ZDHHC5: variants seen among roughly 807,000 people sequenced by gnomAD.
ZDHHC5 encodes zDHHC palmitoyltransferase 5, also known as palmitoyltransferase ZDHHC5.
A neutral mutation model predicts 70.0 loss-of-function variants in ZDHHC5; 22 were observed. The observed-to-expected ratio is 0.31, with a 90% CI of 0.22 to 0.45. The LOEUF (loss-of-function observed/expected upper bound fraction) is 0.45. ZDHHC5 is among the 20% of genes least tolerant of loss of function. The pLI is 1.00. For synonymous variants in ZDHHC5, 313 were observed against 347.8 expected (o/e 0.90, Z 1.11); for missense variants, 746 against 926.9 (o/e 0.80, Z 2.53).
chr11:57,689,176 G>T (rs541432234), intron 4 of ZDHHC5, among the ~76,000 whole-genome samples: 2 of 152,224 alleles, frequency 1.3e-5, no homozygotes, highest in Admixed American at 1.3e-4. Flanking sequence ...TTGTTTTCCT[G>T]CCTGTCCTTC....
intron 7 of ZDHHC5, among the ~76,000 whole-genome samples, chr11:57,693,238 C>G (rs749803556): frequency 1.1e-4 from 16 of 152,114 alleles, no homozygotes; most frequent in Admixed American, 2.6e-4. Flanking sequence ...ACCCAGGAGG[C>G]AGAGGTTGCA....
At chr11:57,690,525 A>G (rs2135397067) in intron 6 of ZDHHC5, 88 bp downstream of exon 6, 1 of 1,328,074 alleles carries the variant, frequency 7.5e-7, no homozygotes, top group Non-Finnish European at 1.1e-6. Context: ...GCTTCCACAA[A>G]GAGATGCTTA....
In ZDHHC5 at chr11:57,668,200, G is replaced by T. The variant is rs1473869723; in HGVS notation, c.-1071+13G>T. The T allele has an allele frequency of 1.4e-5, 5 of 362,912 alleles. No individual in the cohort carries two copies. The highest frequency in any genetic ancestry group is 2.5e-5 in the Non-Finnish European group (5 of 203,398). The allele number at this position is 362,912 out of a possible 1,614,324, so 22.5% of individuals were successfully genotyped here. A position where few individuals can be genotyped will look rare whatever the true frequency, so the allele number is the denominator to read the frequency against. On this transcript the variant is annotated intron_variant, in intron 1 of 11. Transcript: ENST00000287169. ...ACCGGGCTCGCGGGTGAGTGCGGAG[G>T]ACACCGGTCCCTGCGGAACCGGAAG...
At chr11:57,681,257 C>T (rs1048423990) in intron 2 of ZDHHC5, among the ~76,000 whole-genome samples, 3 of 152,154 alleles carry the variant, frequency 2.0e-5, no homozygotes, top group Non-Finnish European at 4.4e-5. Context: ...TTCACAGAAT[C>T]CCAGACTGCT....
Position 57,700,285 on chromosome 11 carries a change from G to C in ZDHHC5, c.*254G>C. 2.8e-6 allele frequency: 1 copy of C among 358,384 alleles called. No homozygotes were observed. Among genetic ancestry groups the C allele is most frequent in the Non-Finnish European group, 5.0e-6 (1 of 200,198 alleles). 22.2% of individuals were successfully genotyped at this position (358,384 alleles called of 1,614,324 possible). The stretch of plus-strand genomic sequence containing the variant: ...TTCCTTGATCCCTGGACCAGACTCA[G>C]TGGACATTTGTGCAATTGCTCGCCC... On this transcript the variant is annotated 3_prime_UTR_variant, in exon 12 of 12. Coordinates refer to ENST00000287169, the MANE Select transcript of ZDHHC5 (RefSeq NM_015457.3).
At chr11:57,699,822 T>C in intron 11 of ZDHHC5, 44 bp from the exon 12 acceptor site, 1 of 1,612,386 alleles carries the variant, frequency 6.2e-7, no homozygotes, top group Non-Finnish European at 8.5e-7. Flanking sequence ...TCCAATGTTT[T>C]CTGTCCCATT....
intron 3 of ZDHHC5, among the ~76,000 whole-genome samples, chr11:57,682,821 G>A (rs1946165248): frequency 6.6e-6 from 1 of 152,144 alleles, no homozygotes; most frequent in Non-Finnish European, 1.5e-5. Context: ...GAGTTTTAGT[G>A]ATTTGTTCAG....
rs1945948056 is a variant in ZDHHC5 at position 57,668,153 on chromosome 11, A to AACG, written c.-1101_-1099dup. The AACG allele has an allele frequency of 2.7e-6, 1 of 368,648 alleles. No homozygotes were observed. Among genetic ancestry groups the AACG allele is most frequent in the Non-Finnish European group, 4.8e-6 (1 of 207,092 alleles). 22.8% of individuals were successfully genotyped at this position (368,648 alleles called of 1,614,324 possible). A position where few individuals can be genotyped will look rare whatever the true frequency, so the allele number is the denominator to read the frequency against. On this transcript the variant is annotated 5_prime_UTR_variant, in exon 1 of 12. Coordinates refer to ENST00000287169, the MANE Select transcript of ZDHHC5 (RefSeq NM_015457.3). ...GGCACTGCCGGGAGGCGGCGGTGAC[A>AACG]ACGACGGCGGTGGTGACGGGCACCG...
At position 57,701,045 on chromosome 11, in the gene ZDHHC5, A is replaced by G. The variant is rs1946436779; in HGVS notation, c.*1014A>G. 2 of 152,652 alleles carry G rather than the reference A, an allele frequency of 1.3e-5. No homozygotes were observed. The highest frequency in any genetic ancestry group is 4.1e-4 in the South Asian group (2 of 4,830). 9.5% of individuals were successfully genotyped at this position (152,652 alleles called of 1,614,324 possible). A position where few individuals can be genotyped will look rare whatever the true frequency, so the allele number is the denominator to read the frequency against. ...GGGTTACCCCTCAGCCCACCTCACT[A>G]TGGTGCTGGGTAGAGGGGATACCTG... On this transcript the variant is annotated 3_prime_UTR_variant, in exon 12 of 12. Transcript: ENST00000287169.
At chr11:57,680,390 G>A (rs1946134792) in intron 2 of ZDHHC5, among the ~76,000 whole-genome samples, 1 of 152,082 alleles carries the variant, frequency 6.6e-6, no homozygotes, top group South Asian at 2.1e-4. Flanking sequence ...AAACAAAACT[G>A]AAGAAAGAGT....
At position 57,679,186 on chromosome 11, in the gene ZDHHC5, G is replaced by A. The variant is rs1006609335; in HGVS notation, c.105-3236G>A. Among the ~76,000 whole-genome samples the A allele has an allele frequency of 4.6e-5, 7 of 151,980 alleles. No homozygotes were observed. In the South Asian group the frequency reaches 1.0e-3, roughly 23 times the overall value. ...TATTTTGTATATATATTTTGAGACG[G>A]AGTTTGGCTTTTACGCCCAGGCTGT... On this transcript the variant is annotated intron_variant, in intron 2 of 11. Coordinates refer to ENST00000287169, the MANE Select transcript of ZDHHC5 (RefSeq NM_015457.3).
chr11:57,676,684 C>G (rs917507147), intron 2 of ZDHHC5, among the ~76,000 whole-genome samples: 2 of 151,828 alleles, frequency 1.3e-5, no homozygotes, highest in African/African-American at 2.4e-5. Context: ...TAGGGCTGCT[C>G]TGGTTCAAGT....
intron 2 of ZDHHC5, among the ~76,000 whole-genome samples, chr11:57,676,961 G>A (rs959826093): frequency 1.7e-5 from 2 of 114,696 alleles, no homozygotes; most frequent in Non-Finnish European, 3.3e-5. Flanking sequence ...TTACTCTGTC[G>A]CCCAGGCTGG....
chr11:57,677,486 C>T (rs1199547563), intron 2 of ZDHHC5, among the ~76,000 whole-genome samples: 1 of 151,948 alleles, frequency 6.6e-6, no homozygotes, highest in Non-Finnish European at 1.5e-5. Context: ...GGGGTTTCAC[C>T]ATAATGGCCA....
chr11:57,677,769 C>T (rs1473958982), intron 2 of ZDHHC5, among the ~76,000 whole-genome samples: 7 of 152,146 alleles, frequency 4.6e-5, no homozygotes, highest in Non-Finnish European at 7.4e-5. Context: ...CCCCCTCCCC[C>T]GTAACTGCAG....
intron 3 of ZDHHC5, 33 bp downstream of exon 3, chr11:57,682,576 C>G: frequency 1.2e-6 from 2 of 1,606,136 alleles, no homozygotes; most frequent in East Asian, 4.5e-5. Context: ...AAGCACCTTA[C>G]ACTGCCTTTG....
rs1460942772 is a variant in ZDHHC5, at chr11:57,698,926, A to G, written c.1490A>G (p.Tyr497Cys). The G allele has an allele frequency of 2.5e-6, 4 of 1,613,952 alleles. No homozygotes were observed. The highest frequency in any genetic ancestry group is 1.3e-5 in the African/African-American group (1 of 74,916). ...AGPEPDPPLG[Y>C]TSPFLSARLA... ...CCTGAGCCAGACCCACCTTTAGGCT[A>G]TACCTCTCCCTTCCTGTCAGCCAGG... The change falls in exon 11 of 12, where the codon TAT becomes TGT. Residue 497 changes from tyrosine (Y) to cysteine (C), a missense_variant. Transcript: ENST00000287169.
chr11:57,683,493 G>A (rs1946172968), intron 3 of ZDHHC5, among the ~76,000 whole-genome samples: 1 of 152,146 alleles, frequency 6.6e-6, no homozygotes, highest in Non-Finnish European at 1.5e-5. Flanking sequence ...GTTCATAACT[G>A]GGAGATAAGT....
chr11:57,680,818 T>C (rs1426575630), intron 2 of ZDHHC5, among the ~76,000 whole-genome samples: 1 of 152,280 alleles, frequency 6.6e-6, no homozygotes, highest in South Asian at 2.1e-4. Context: ...ACCCTGCCAA[T>C]GTATGGAGAC....
Sources: gnomAD v4.1 joint callset for allele counts (sites outside exome capture counted in the v4.1 genomes callset) on GRCh38, gnomAD v4.1.1 for gene constraint, MANE v1.5 for transcripts, NCBI Gene and HGNC (gene_info 2026-07-23, HGNC 2026-07-21) for gene names.